Variants in RUSF1 observed in about 807,000 individuals in gnomAD.
RUSF1 encodes RUS1 family protein C16orf58.
RUSF1 carries 58 observed loss-of-function variants against 63.0 expected under a neutral mutation model. That is an observed-to-expected ratio of 0.92 (90% CI 0.75 to 1.15). The LOEUF is 1.15. RUSF1 is among the 50% of genes most tolerant of loss of function. RUSF1 has a pLI of 0.00. For synonymous variants in RUSF1, 274 were observed against 255.8 expected (o/e 1.07, Z -0.68); for missense variants, 652 against 611.0 (o/e 1.07, Z -0.71).
At chr16:31,492,373 G>A (rs200612071) in intron 10 of RUSF1, 33 bp from the exon 11 acceptor site, 2 of 1,514,258 alleles carry the variant, frequency 1.3e-6, no homozygotes, top group East Asian at 2.3e-5. Context: ...TGGTATCAGG[G>A]AAGGGCCACC....
Position 31,493,334 on chromosome 16 carries a change from C to T in RUSF1, c.1016+133G>A, listed in dbSNP as rs2082583806. 4 of 1,230,056 alleles carry T rather than the reference C, an allele frequency of 3.3e-6. No homozygotes were observed. In the Admixed American group the frequency reaches 5.9e-5, roughly 18 times the overall value. 76.2% of individuals were successfully genotyped at this position (1,230,056 alleles called of 1,614,324 possible). A position where few individuals can be genotyped will look rare whatever the true frequency, so the allele number is the denominator to read the frequency against. On this transcript the variant is annotated intron_variant, in intron 9 of 12. Transcript: ENST00000327237. The stretch of plus-strand genomic sequence containing the variant: ...TTCCTTCCTCACACACCCACACCAA[C>T]CCCATGTCTGTTCAGCAGCAATGAA...
At position 31,491,063 on chromosome 16, in the gene RUSF1, G is replaced by A. The variant is rs2082563836; in HGVS notation, c.1310-131C>T. 3.3e-5 allele frequency: 26 copies of A among 777,626 alleles called. No individual in the cohort carries two copies. The South Asian group carries it at 4.4e-4, about 13-fold the overall frequency. 48.2% of individuals were successfully genotyped at this position (777,626 alleles called of 1,614,324 possible). On this transcript the variant is annotated intron_variant, in intron 12 of 12. Transcript: ENST00000327237. ...GCTGGGTGAGTATGGCATAAAATGA[G>A]GCTGAAACCACACCTGGCTGCAGCA...
In RUSF1 at chr16:31,492,287, C is replaced by CA. The variant is rs767598112; in HGVS notation, c.1140_1141insT (p.Ala381CysfsTer33). On this transcript the variant is annotated frameshift_variant, in exon 11 of 13. Transcript: ENST00000327237. LOFTEE classifies it high-confidence loss of function. ...CCAAGCATCAGCCCATGTGTGGCGG[C>CA]CCTTAGGATGGTCTTGGGGCCTGCC... 1.9e-6 allele frequency: 3 copies of CA among 1,612,062 alleles called. No individual in the cohort carries two copies. Among genetic ancestry groups the CA allele is most frequent in the Non-Finnish European group, 2.5e-6 (3 of 1,178,956 alleles).
At chr16:31,500,809 C>G in intron 2 of RUSF1, 78 bp from the exon 3 acceptor site, 1 of 1,452,360 alleles carries the variant, frequency 6.9e-7, no homozygotes, top group Non-Finnish European at 9.4e-7. Flanking sequence ...TGGCACTGAA[C>G]TGGCCAATTC....
intron 11 of RUSF1, 53 bp downstream of exon 11, chr16:31,492,144 C>G (rs1397174437): frequency 9.3e-6 from 15 of 1,612,492 alleles, no homozygotes; most frequent in Middle Eastern, 3.3e-4. Flanking sequence ...CAGAGTTTGT[C>G]CTCTCTCCTC....
chr16:31,496,653 G>A (rs1275533878), intron 6 of RUSF1, among the ~76,000 whole-genome samples, 196 bp downstream of exon 6: 1 of 152,214 alleles, frequency 6.6e-6, no homozygotes, highest in Non-Finnish European at 1.5e-5. Flanking sequence ...AGCCACACAG[G>A]TGGCGGGCAG....
chr16:31,496,183 G>A (rs780806670), intron 6 of RUSF1, among the ~76,000 whole-genome samples: 13 of 152,160 alleles, frequency 8.5e-5, no homozygotes, highest in Non-Finnish European at 1.5e-4. Context: ...TCCTGAGCTC[G>A]AGGCTGGGAC....
chr16:31,492,666 T>C (rs936881091), intron 10 of RUSF1, among the ~76,000 whole-genome samples: 3 of 152,132 alleles, frequency 2.0e-5, no homozygotes, highest in African/African-American at 7.2e-5. Flanking sequence ...CAACCCAGGA[T>C]GGAGAGAAGG....
chr16:31,507,906 A>G (rs2082669203), intron 1 of RUSF1, 28 bp from the exon 2 acceptor site: 1 of 1,549,898 alleles, frequency 6.5e-7, no homozygotes, highest in South Asian at 1.2e-5. Context: ...TAGGGTGAGA[A>G]GCGGGCGTAG....
chr16:31,499,753 T>C (rs1402829624), intron 3 of RUSF1, among the ~76,000 whole-genome samples: 1 of 152,122 alleles, frequency 6.6e-6, no homozygotes, highest in Non-Finnish European at 1.5e-5. Flanking sequence ...TATGAACTCA[T>C]GATTTACCAA....
At position 31,492,029 on chromosome 16, in the gene RUSF1, A is replaced by G; in HGVS notation, c.1289T>C (p.Leu430Pro). The stretch of plus-strand genomic sequence containing the variant: ...GTTACCTTTCAAGAACTTTGGGAAC[A>G]GCATGTCCAACACTTCGTGTGTCTC... ...VKETHEVLDM[L>P]FPKFLKGLQD... The change falls in exon 12 of 13, where the codon CTG becomes CCG. Residue 430 changes from leucine to proline, a missense_variant. Leu to Pro is a moderately conservative substitution (Grantham distance 98). Coordinates refer to ENST00000327237, the MANE Select transcript of RUSF1 (RefSeq NM_022744.4). 1 of 1,614,184 alleles carries G rather than the reference A, an allele frequency of 6.2e-7. No individual in the cohort carries two copies. The highest frequency in any genetic ancestry group is 1.1e-5 in the South Asian group (1 of 91,084).
At chr16:31,493,574 A>G in intron 8 of RUSF1, 29 bp downstream of exon 8, 1 of 1,614,138 alleles carries the variant, frequency 6.2e-7, no homozygotes, top group East Asian at 2.2e-5. Flanking sequence ...AGGTTGAGAC[A>G]CAGGACCCGA....
intron 10 of RUSF1, 75 bp downstream of exon 10, chr16:31,492,903 G>C (rs1047253958): frequency 1.4e-6 from 2 of 1,461,078 alleles, no homozygotes; most frequent in Admixed American, 3.8e-5. Flanking sequence ...CCCAGAGCTC[G>C]GGGCCCTAGG....
chr16:31,492,907 C>T (rs1464824417), intron 10 of RUSF1, 71 bp downstream of exon 10: 1 of 1,485,312 alleles, frequency 6.7e-7, no homozygotes, highest in African/African-American at 1.4e-5. Flanking sequence ...GAGCTCGGGG[C>T]CCTAGGTTGG....
chr16:31,508,111 G>T lies in RUSF1; in HGVS notation c.263C>A (p.Pro88Gln). The T allele has an allele frequency of 1.2e-6, 2 of 1,605,016 alleles. No homozygotes were observed. The highest frequency in any genetic ancestry group is 2.3e-5 in the East Asian group (1 of 44,126). The change falls in exon 1 of 13, where the codon CCG (proline) becomes CAG (glutamine). Residue 88 changes from proline to glutamine, a missense_variant. By Grantham distance (76) the Pro-to-Gln change is moderately conservative (BLOSUM62 -1). Coordinates refer to ENST00000327237, the MANE Select transcript of RUSF1 (RefSeq NM_022744.4). The stretch of plus-strand genomic sequence containing the variant: ...CCACAGCTGGTAGGGCAAGTAGTCC[G>T]GGCTGACGCTATCAGGGAAGCCCTG... ...LPQGFPDSVS[P>Q]DYLPYQLWDS... is the part of the protein sequence containing the mutation.
intron 8 of RUSF1, 21 bp downstream of exon 8, chr16:31,493,582 C>G: frequency 1.2e-6 from 2 of 1,614,152 alleles, no homozygotes; most frequent in Non-Finnish European, 1.7e-6. Flanking sequence ...ACACAGGACC[C>G]GAGACCAGGG....
At chr16:31,504,826 G>A (rs903749731) in intron 2 of RUSF1, among the ~76,000 whole-genome samples, 4 of 152,194 alleles carry the variant, frequency 2.6e-5, no homozygotes, top group African/African-American at 4.8e-5. Flanking sequence ...TAACTTTAGC[G>A]CCAACCCTAT....
chr16:31,499,472 C>CCCGTCCCCGCCCCTCCT (rs779246563), intron 4 of RUSF1, 21 bp downstream of exon 4: 2 of 1,595,320 alleles, frequency 1.3e-6, no homozygotes. Context: ...ACTCCCCTCC[C>CCCGTCCCCGCCCCTCCT]CCGTCCCCGC....
At chr16:31,499,085 T>G (rs1457679750) in intron 5 of RUSF1, among the ~76,000 whole-genome samples, 1 of 152,140 alleles carries the variant, frequency 6.6e-6, no homozygotes, top group African/African-American at 2.4e-5. Flanking sequence ...CGGAGCTCCC[T>G]CCCCAGTCCT....
Sources: gnomAD v4.1 joint callset for allele counts (sites outside exome capture counted in the v4.1 genomes callset) on GRCh38, gnomAD v4.1.1 for gene constraint, MANE v1.5 for transcripts, NCBI Gene and HGNC (gene_info 2026-07-23, HGNC 2026-07-21) for gene names.